Variants in CHMP3 observed in about 807,000 individuals in gnomAD.
CHMP3 encodes charged multivesicular body protein 3.
In CHMP3, 8 loss-of-function variants were observed where a neutral mutation model predicts 27.4. That is an observed-to-expected ratio of 0.29 (90% confidence interval 0.17 to 0.53). The LOEUF (loss-of-function observed/expected upper bound fraction) is 0.53, where lower values mean the gene tolerates loss of function less well. Ranked by LOEUF, CHMP3 falls within the 20% of genes least tolerant of loss-of-function variation. The pLI, the probability that CHMP3 is intolerant of heterozygous loss-of-function variation, is 0.96. For synonymous variants in CHMP3, 86 were observed against 85.5 expected (o/e 1.01, Z -0.03); for missense variants, 208 against 271.5 (o/e 0.77, Z 1.64).
intron 3 of CHMP3, chr2:86,511,217 T>C (rs1249113801): frequency 6.6e-6 from 1 of 152,162 alleles, no homozygotes; most frequent in African/African-American, 2.4e-5. Context: ...ACAGACTTCC[T>C]TCCTCCTGGC....
At chr2:86,526,678 C>A (rs199563399) in intron 3 of CHMP3, among the ~76,000 whole-genome samples, 3,975 of 150,486 alleles carry the variant, frequency 0.026, 59 homozygotes, top group East Asian at 0.054. Context: ...CTCTCTCTCT[C>A]TCTCTATATA....
intron 1 of CHMP3, among the ~76,000 whole-genome samples, chr2:86,560,837 T>A (rs373387250): frequency 6.6e-6 from 1 of 152,074 alleles, no homozygotes. Context: ...GAAATAGGCA[T>A]CTTACATGGC....
Position 86,542,302 on chromosome 2 carries a change from CACT to C in CHMP3, c.53_55del (p.Glu18_Trp19delinsGly). 5 of 1,613,334 alleles carry C rather than the reference CACT, an allele frequency of 3.1e-6. No homozygotes were observed. Among genetic ancestry groups the C allele is most frequent in the Non-Finnish European group, 4.2e-6 (5 of 1,179,550 alleles). ...CATTTCCTTTCTTATCTTCAATGAC[CACT>C]CATTGACCTGGGAAAATTTTTAGAA... On this transcript the variant is annotated inframe_deletion, in exon 2 of 6. Transcript: ENST00000263856.
chr2:86,563,421 G>T lies in CHMP3; in HGVS notation c.-73C>A. ...CCAGGCAGGTCACGGGCAGCCGCCT[G>T]GGCGGGGCCCGCGGAAAAGGAGGTA... On this transcript the variant is annotated 5_prime_UTR_variant, in exon 1 of 6. Coordinates refer to ENST00000263856, the MANE Select transcript of CHMP3 (RefSeq NM_016079.4). The T allele has an allele frequency of 1.3e-6, 2 of 1,571,504 alleles. No homozygotes were observed. The highest frequency in any genetic ancestry group is 8.7e-7 in the Non-Finnish European group (1 of 1,153,532).
rs183096800 is a variant in CHMP3 at position 86,542,171 on chromosome 2, T to C, written c.106+81A>G. On this transcript the variant is annotated intron_variant, in intron 2 of 5. Coordinates refer to ENST00000263856, the MANE Select transcript of CHMP3 (RefSeq NM_016079.4). Reference sequence around the variant, plus strand: ...TAGGAATAAACTATGTCTTATGATATATAAATGCAGTTTATTTTTATGAAC... The same window carrying C: ...TAGGAATAAACTATGTCTTATGATACATAAATGCAGTTTATTTTTATGAAC... 2.0e-3 allele frequency: 2,824 copies of C among 1,401,110 alleles called. 48 individuals carry two copies. Among genetic ancestry groups the C allele is most frequent in the South Asian group, 0.019 (1,644 of 84,386 alleles). 86.8% of individuals were successfully genotyped at this position (1,401,110 alleles called of 1,614,324 possible).
intron 1 of CHMP3, among the ~76,000 whole-genome samples, chr2:86,557,195 C>A (rs1677161015): frequency 6.6e-6 from 1 of 152,176 alleles, no homozygotes; most frequent in Non-Finnish European, 1.5e-5. Context: ...GAATTCTCTC[C>A]ATTTCAGCTC....
chr2:86,556,866 C>G (rs535619605), intron 1 of CHMP3, among the ~76,000 whole-genome samples: 1 of 152,132 alleles, frequency 6.6e-6, no homozygotes, highest in Non-Finnish European at 1.5e-5. Flanking sequence ...TTCTTTCATC[C>G]GTCGTTTGGC....
chr2:86,559,391 TTCTCA>T (rs1677258005), intron 1 of CHMP3, among the ~76,000 whole-genome samples: 2 of 152,318 alleles, frequency 1.3e-5, no homozygotes, highest in Admixed American at 1.3e-4. Context: ...ATGATAGTAC[TTCTCA>T]GCCTTCATAA....
At position 86,553,193 on chromosome 2, in the gene CHMP3, A is replaced by C. The variant is rs1369598154; in HGVS notation, c.45+10111T>G. On this transcript the variant is annotated intron_variant, in intron 1 of 5. Transcript: ENST00000263856. ...ATCCTGCACATACACCCTTGAACTT[A>C]AAAGTTGGAGGAAAAAAAAAAAAAG... is the stretch of plus-strand genomic sequence containing the variant. 2.6e-5 allele frequency among the ~76,000 whole-genome samples: 4 copies of C among 151,994 alleles called. No individual in the cohort carries two copies. The East Asian group carries it at 7.7e-4, about 29-fold the overall frequency.
intron 4 of CHMP3, among the ~76,000 whole-genome samples, 156 bp from the exon 5 acceptor site, chr2:86,507,749 CCT>C (rs1674941307): frequency 6.6e-6 from 1 of 152,208 alleles, no homozygotes; most frequent in Non-Finnish European, 1.5e-5. Context: ...TGGATGTTGT[CCT>C]CTCTGCAGAA....
chr2:86,556,596 A>AT (rs147196381), intron 1 of CHMP3, among the ~76,000 whole-genome samples: 1,805 of 152,254 alleles, frequency 0.012, 37 homozygotes, highest in African/African-American at 0.041. Context: ...ACTGATCTAG[A>AT]TAAGTTAGTT....
At position 86,504,272 on chromosome 2, in the gene CHMP3, T is replaced by G. The variant is rs1174414080; in HGVS notation, c.*1532A>C. On this transcript the variant is annotated 3_prime_UTR_variant, in exon 6 of 6. Coordinates refer to ENST00000263856, the MANE Select transcript of CHMP3 (RefSeq NM_016079.4). ...ACTTTGGGTGATAATGATGTGTCAA[T>G]GGAGGTTTATTGATTGTAACAAATG... 6.6e-6 allele frequency: 1 copy of G among 152,120 alleles called. No homozygotes were observed. The highest frequency in any genetic ancestry group is 2.4e-5 in the African/African-American group (1 of 41,430). The allele number at this position is 152,120 out of a possible 1,614,324, so 9.4% of individuals were successfully genotyped here. A position where few individuals can be genotyped will look rare whatever the true frequency, so the allele number is the denominator to read the frequency against.
chr2:86,553,205 A>G (rs990125114), intron 1 of CHMP3, among the ~76,000 whole-genome samples: 21 of 144,760 alleles, frequency 1.5e-4, no homozygotes, highest in Admixed American at 1.4e-3. Context: ...AAGTTGGAGG[A>G]AAAAAAAAAA....
intron 1 of CHMP3, among the ~76,000 whole-genome samples, chr2:86,547,692 A>C (rs1345045032): frequency 6.6e-6 from 1 of 152,244 alleles, no homozygotes; most frequent in African/African-American, 2.4e-5. Flanking sequence ...CAAGTCTCAT[A>C]ACTGTAAAGA....
chr2:86,510,243 T>A, intron 4 of CHMP3, 115 bp downstream of exon 4: 1 of 1,455,210 alleles, frequency 6.9e-7, no homozygotes, highest in Non-Finnish European at 9.2e-7. Context: ...TAAAATTAAT[T>A]CTGTCTAGCA....
chr2:86,516,052 A>G (rs1675288936), intron 3 of CHMP3, among the ~76,000 whole-genome samples: 1 of 151,416 alleles, frequency 6.6e-6, no homozygotes, highest in Non-Finnish European at 1.5e-5. Flanking sequence ...GGAGGCTGAG[A>G]CAGGGAAATC....
chr2:86,532,361 T>C (rs574223268), intron 2 of CHMP3, among the ~76,000 whole-genome samples: 1 of 152,274 alleles, frequency 6.6e-6, no homozygotes, highest in African/African-American at 2.4e-5. Context: ...TAGGGTATTA[T>C]ACATATAGTA....
intron 1 of CHMP3, among the ~76,000 whole-genome samples, chr2:86,548,494 C>T (rs931942905): frequency 2.6e-5 from 4 of 152,116 alleles, no homozygotes; most frequent in Admixed American, 6.5e-5. Context: ...TCAGAGAGCA[C>T]GGGGTTGGGG....
At chr2:86,546,516 C>T (rs1279464817) in intron 1 of CHMP3, among the ~76,000 whole-genome samples, 1 of 151,540 alleles carries the variant, frequency 6.6e-6, no homozygotes, top group Non-Finnish European at 1.5e-5. Context: ...CAGCTCACTG[C>T]AACCTCCACC....
Sources: allele counts gnomAD v4.1 joint callset (sites outside exome capture counted in the v4.1 genomes callset), GRCh38; gene constraint gnomAD v4.1.1; transcripts MANE v1.5; gene names NCBI Gene and HGNC (gene_info 2026-07-23, HGNC 2026-07-21).